The following NCOR2 variants were observed in gnomAD, a reference collection of about 807,000 sequenced individuals.
The protein encoded by NCOR2 is CTG repeat protein 26.
NCOR2 carries 81 observed loss-of-function variants against 262.9 expected under a neutral mutation model. The observed-to-expected ratio is 0.31, with a 90% confidence interval of 0.26 to 0.37. The LOEUF is 0.37. NCOR2 is among the 10% of genes least tolerant of loss of function. The pLI, the probability that NCOR2 is intolerant of heterozygous loss-of-function variation, is 1.00. For synonymous variants in NCOR2, 1,659 were observed against 1,559.3 expected, an observed-to-expected ratio of 1.06 and a Z score of -1.51; for missense variants, 3,385 against 3,621.4, an observed-to-expected ratio of 0.93 and a Z score of 1.68.
intron 4 of NCOR2, among the ~76,000 whole-genome samples, chr12:124,469,944 T>C (rs1218794886): frequency 1.3e-5 from 2 of 152,112 alleles, no homozygotes; most frequent in Non-Finnish European, 2.9e-5. Context: ...GGTGGGCAGA[T>C]CACTCAAGAC....
chr12:124,559,283 C>A (rs770214193), intron 1 of NCOR2, among the ~76,000 whole-genome samples: 2 of 152,188 alleles, frequency 1.3e-5, no homozygotes, highest in Non-Finnish European at 2.9e-5. Context: ...TGGCTTCAGA[C>A]GCACTTGCAA....
chr12:124,409,206 G>T (rs777374115), intron 13 of NCOR2, among the ~76,000 whole-genome samples: 41 of 152,336 alleles, frequency 2.7e-4, no homozygotes, highest in Non-Finnish European at 4.6e-4. Flanking sequence ...ATCCCGACCC[G>T]CAACTCGGCA....
rs1005465087 is a variant in NCOR2, at chr12:124,483,868, C to T, written c.234-95G>A. On this transcript the variant is annotated intron_variant, in intron 2 of 46. Coordinates refer to ENST00000405201, the Ensembl canonical transcript of NCOR2. The surrounding 1 kb of genome is among the most constrained non-coding windows in gnomAD (Gnocchi z 6.3). ...CCCTCTGCGCCGAGCATCTACTGCGCGCCGTGCTCTGTATGATCCTGCCAG... is the reference window on the plus strand; with the variant it reads ...CCCTCTGCGCCGAGCATCTACTGCGTGCCGTGCTCTGTATGATCCTGCCAG... 8.8e-6 allele frequency: 12 copies of T among 1,368,686 alleles called. No homozygotes were observed. In the Admixed American group the frequency reaches 2.2e-4, roughly 25 times the overall value. The allele number at this position is 1,368,686 out of a possible 1,614,324, so 84.8% of individuals were successfully genotyped here. A position where few individuals can be genotyped will look rare whatever the true frequency, so the allele number is the denominator to read the frequency against.
chr12:124,428,043 C>CTGTGTGTGTGTGTGTGTGTGTGTGTG (rs1491282996), intron 10 of NCOR2, among the ~76,000 whole-genome samples: 1 of 40,964 alleles, frequency 2.4e-5, no homozygotes. Flanking sequence ...CCCATGTGGC[C>CTGTGTGTGTGTGTGTGTGTGTGTGTG]AGTGTGTGTG....
rs1334766611 is a variant in NCOR2 at position 124,566,317 on chromosome 12, G to A, written c.-165+991C>T. 6.6e-6 allele frequency among the ~76,000 whole-genome samples: 1 copy of A among 152,234 alleles called. No homozygotes were observed. The highest frequency in any genetic ancestry group is 2.4e-5 in the African/African-American group (1 of 41,452). ...GGAGAGCCGGAGCGCGCGACAGGCG[G>A]CGGGAGGACACTCGCTTCCAAAAAA... On this transcript the variant is annotated intron_variant, in intron 1 of 32. Transcript: ENST00000458234. The surrounding 1 kb of genome is among the most constrained non-coding windows in gnomAD (Gnocchi z 4.3).
intron 8 of NCOR2, among the ~76,000 whole-genome samples, chr12:124,435,443 C>T (rs1332369557): frequency 6.6e-6 from 1 of 152,230 alleles, no homozygotes; most frequent in African/African-American, 2.4e-5. Flanking sequence ...CACCTCTCCT[C>T]ACCTATGAGC....
intron 8 of NCOR2, among the ~76,000 whole-genome samples, chr12:124,434,422 C>T (rs932655691): frequency 3.9e-5 from 6 of 152,146 alleles, no homozygotes; most frequent in African/African-American, 7.2e-5. Flanking sequence ...AAAGCCACAC[C>T]GGACCCTTCT....
At chr12:124,331,063 C>CTT (rs747884076) in intron 43 of NCOR2, among the ~76,000 whole-genome samples, 165 bp from the exon 46 acceptor site, 17,671 of 135,584 alleles carry the variant, frequency 0.13, 1,359 homozygotes, top group East Asian at 0.4. Context: ...GTCTGCATTT[C>CTT]TTTTTTTTTT....
chr12:124,404,100 G>T (rs763827795), intron 13 of NCOR2, among the ~76,000 whole-genome samples: 19 of 152,262 alleles, frequency 1.2e-4, no homozygotes, highest in Non-Finnish European at 2.6e-4. Flanking sequence ...GGCAGGTGAA[G>T]CCTCTTTTGG....
intron 13 of NCOR2, among the ~76,000 whole-genome samples, chr12:124,414,838 C>T (rs929342242): frequency 3.9e-5 from 6 of 152,198 alleles, no homozygotes; most frequent in Non-Finnish European, 8.8e-5. Context: ...TGTCTGCTCA[C>T]TCAGAAACCT....
rs148824089 is a variant in NCOR2, at chr12:124,419,219, C to T, written c.1482+738G>A. Among the ~76,000 whole-genome samples the T allele has an allele frequency of 3.9e-4, 60 of 152,256 alleles. No homozygotes were observed. The East Asian group carries it at 9.5e-3, about 24-fold the overall frequency. On this transcript the variant is annotated intron_variant, in intron 13 of 46. Coordinates refer to ENST00000405201, the Ensembl canonical transcript of NCOR2. Reference sequence around the variant, plus strand: ...CAAACCAACTCCTTTTCCTCTAACTCGGAGGAAAAAGCAAACTTTTTCTAT... The same window carrying T: ...CAAACCAACTCCTTTTCCTCTAACTTGGAGGAAAAAGCAAACTTTTTCTAT...
Position 124,457,985 on chromosome 12 carries a change from G to A in NCOR2, c.706-823C>T, listed in dbSNP as rs949851159. 6.6e-6 allele frequency among the ~76,000 whole-genome samples: 1 copy of A among 152,194 alleles called. No homozygotes were observed. Among genetic ancestry groups the A allele is most frequent in the African/African-American group, 2.4e-5 (1 of 41,450 alleles). On this transcript the variant is annotated intron_variant, in intron 5 of 46. Coordinates refer to ENST00000405201, the Ensembl canonical transcript of NCOR2. The surrounding 1 kb of genome is among the most constrained non-coding windows in gnomAD (Gnocchi z 4.0). The stretch of plus-strand genomic sequence containing the variant: ...TTCATGGGGGCTGTGGCGGAGGGCA[G>A]GGGCAGAATTTGCGTGGGTTTGGGT...
chr12:124,545,844 G>A (rs1376476064), intron 1 of NCOR2, among the ~76,000 whole-genome samples: 2 of 152,222 alleles, frequency 1.3e-5, no homozygotes, highest in African/African-American at 2.4e-5. Flanking sequence ...TCAGCCTGGG[G>A]ACCCTCTCTG....
In NCOR2 at chr12:124,429,594, A is replaced by C; in HGVS notation, c.1149+19T>G. On this transcript the variant is annotated intron_variant, in intron 10 of 46. Coordinates refer to ENST00000405201, the Ensembl canonical transcript of NCOR2. ...GCCAGGGAAAAGGAGCTGAGGCCAG[A>C]GTCAGGGCCTGGACTCACCTCCTGC... 6.3e-7 allele frequency: 1 copy of C among 1,581,278 alleles called. No homozygotes were observed. Among genetic ancestry groups the C allele is most frequent in the Non-Finnish European group, 8.6e-7 (1 of 1,162,180 alleles).
chr12:124,385,425 C>T (rs1242354022), intron 17 of NCOR2, among the ~76,000 whole-genome samples: 2 of 152,200 alleles, frequency 1.3e-5, no homozygotes, highest in African/African-American at 4.8e-5. Context: ...GTCTGGTCCA[C>T]CGCGCTCCTT....
At chr12:124,386,329 G>A (rs2040804196) in intron 16 of NCOR2, among the ~76,000 whole-genome samples, 1 of 152,126 alleles carries the variant, frequency 6.6e-6, no homozygotes, top group Non-Finnish European at 1.5e-5. Flanking sequence ...CTGCAGGCGA[G>A]GCCTCGGGAG....
Position 124,343,571 on chromosome 12 carries a change from C to G in NCOR2, c.4715-345G>C, listed in dbSNP as rs145648144. 7.8e-3 allele frequency among the ~76,000 whole-genome samples: 1,194 copies of G among 152,150 alleles called. 15 individuals are homozygous for G. The highest frequency in any genetic ancestry group is 0.027 in the African/African-American group (1,112 of 41,508). ...TTCAATGCGAGAGACAGGTGATAAA[C>G]TAGCAAACAAATGAGAATTACAGAG... On this transcript the variant is annotated intron_variant, in intron 32 of 46. Transcript: ENST00000405201.
intron 16 of NCOR2, chr12:124,388,849 C>A (rs1316872846): frequency 7.5e-6 from 9 of 1,196,294 alleles, no homozygotes; most frequent in Admixed American, 2.5e-5. Flanking sequence ...GCCTCACATC[C>A]TTCTCCGTCC....
intron 43 of NCOR2, chr12:124,331,485 C>G (rs2135743625): frequency 1.3e-5 from 2 of 155,334 alleles, no homozygotes; most frequent in East Asian, 3.8e-4. Context: ...AAGACAGTGT[C>G]TTGCTCTGTT....
Sources: gnomAD v4.1 joint callset for allele counts (sites outside exome capture counted in the v4.1 genomes callset) on GRCh38, gnomAD v4.1.1 for gene constraint, Gnocchi (gnomAD v3.1) non-coding constraint, MANE v1.5 for transcripts, NCBI Gene and HGNC (gene_info 2026-07-23, HGNC 2026-07-21) for gene names.